The following CCDC102B variants were observed in gnomAD, a reference collection of about 807,000 sequenced individuals.
CCDC102B encodes the protein coiled-coil domain-containing protein 102B.
Under a neutral mutation model 57.4 loss-of-function variants are expected in CCDC102B, and 75 were observed. The ratio of observed to expected loss-of-function variants is 1.31; its 90% confidence interval spans 1.08 to 1.58. The LOEUF (loss-of-function observed/expected upper bound fraction) is 1.58. Among genes scored for constraint, CCDC102B ranks in the 40% most tolerant of loss-of-function variants. The probability of loss-of-function intolerance (pLI) is 0.00; values close to 1 mark genes in which losing one functional copy is unlikely to be tolerated. For synonymous variants in CCDC102B, 206 were observed against 201.9 expected, an observed-to-expected ratio of 1.02 and a Z score of -0.17; for missense variants, 636 against 582.6, an observed-to-expected ratio of 1.09 and a Z score of -0.94.
chr18:69,026,767 C>A (rs972753565), intron 7 of CCDC102B, among the ~76,000 whole-genome samples: 4 of 152,168 alleles, frequency 2.6e-5, no homozygotes, highest in Non-Finnish European at 5.9e-5. Flanking sequence ...ACTTTTTATG[C>A]TGGGTATTCA....
intron 6 of CCDC102B, among the ~76,000 whole-genome samples, chr18:69,009,685 C>T (rs1165291530): frequency 1.3e-5 from 2 of 151,700 alleles, no homozygotes; most frequent in African/African-American, 2.4e-5. Context: ...ATCATGAATT[C>T]ATCATTAGTA....
chr18:68,773,066 A>G (rs1401405036), intron 2 of CCDC102B, among the ~76,000 whole-genome samples: 1 of 152,080 alleles, frequency 6.6e-6, no homozygotes, highest in Non-Finnish European at 1.5e-5. Context: ...AAGTTAAGAA[A>G]GGATTCAATC....
chr18:69,016,085 G>C (rs964678938), intron 7 of CCDC102B, among the ~76,000 whole-genome samples: 12 of 147,308 alleles, frequency 8.1e-5, no homozygotes, highest in Non-Finnish European at 1.6e-4. Flanking sequence ...GGATGGTCTC[G>C]ATCTCCTGAC....
intron 7 of CCDC102B, among the ~76,000 whole-genome samples, chr18:69,045,036 T>C (rs1057023271): frequency 1.3e-5 from 2 of 152,064 alleles, no homozygotes; most frequent in African/African-American, 4.8e-5. Flanking sequence ...GCTCCTGTGA[T>C]CTCTTTCTCT....
intron 6 of CCDC102B, among the ~76,000 whole-genome samples, chr18:68,953,506 G>C (rs1186707718): frequency 6.6e-6 from 1 of 151,194 alleles, no homozygotes; most frequent in Admixed American, 6.6e-5. Flanking sequence ...TTCCAGAAAT[G>C]TCTGTTCAAG....
At chr18:68,852,002 A>C (rs904301068) in intron 4 of CCDC102B, among the ~76,000 whole-genome samples, 2 of 152,146 alleles carry the variant, frequency 1.3e-5, no homozygotes, top group Non-Finnish European at 2.9e-5. Context: ...CAATTAAGAC[A>C]ATTCCTTAAA....
chr18:68,829,769 G>A (rs2037067468), intron 1 of CCDC102B, among the ~76,000 whole-genome samples: 1 of 151,980 alleles, frequency 6.6e-6, no homozygotes, highest in Non-Finnish European at 1.5e-5. Flanking sequence ...AAACGGTTTA[G>A]GAATTTTGCT....
intron 6 of CCDC102B, among the ~76,000 whole-genome samples, chr18:68,956,397 T>A (rs1373046314): frequency 1.1e-4 from 9 of 78,702 alleles, no homozygotes; most frequent in Non-Finnish European, 2.1e-4. Flanking sequence ...AATATATATA[T>A]AAATATATTT....
At chr18:68,843,014 C>G (rs891385654) in intron 3 of CCDC102B, among the ~76,000 whole-genome samples, 6 of 152,064 alleles carry the variant, frequency 3.9e-5, no homozygotes, top group African/African-American at 1.2e-4. Context: ...AAGCCTTGTT[C>G]TATAATTCTC....
intron 2 of CCDC102B, among the ~76,000 whole-genome samples, chr18:68,731,064 C>G (rs511288): frequency 0.95 from 144,602 of 152,210 alleles, 68,914 homozygotes; most frequent in Middle Eastern, 0.99. Context: ...TTGGCTCGCT[C>G]CAACTTCTGC....
chr18:68,900,394 T>G (rs576876833), intron 6 of CCDC102B: 1 of 152,186 alleles, frequency 6.6e-6, no homozygotes, highest in Non-Finnish European at 1.5e-5. Flanking sequence ...ATCATTAGAA[T>G]GTACATTTCC....
chr18:69,058,072 A>G (rs1237583160), downstream of CCDC102B, among the ~76,000 whole-genome samples: 1 of 151,772 alleles, frequency 6.6e-6, no homozygotes, highest in Non-Finnish European at 1.5e-5. Flanking sequence ...TTTAGTTCCC[A>G]CTCATAAGTG....
At chr18:69,011,278 C>A in intron 7 of CCDC102B, 174 bp downstream of exon 7, 1 of 646,622 alleles carries the variant, frequency 1.5e-6, no homozygotes, top group African/African-American at 1.8e-5. Context: ...AGACAATGTG[C>A]ACATGTTTGT....
At chr18:68,813,873 A>G (rs1376615817) in intron 1 of CCDC102B, among the ~76,000 whole-genome samples, 1 of 151,728 alleles carries the variant, frequency 6.6e-6, no homozygotes, top group African/African-American at 2.4e-5. Context: ...ACGATGTGAT[A>G]GTATTTGGAC....
chr18:68,765,309 G>A (rs866968395), intron 2 of CCDC102B, among the ~76,000 whole-genome samples: 45 of 62,684 alleles, frequency 7.2e-4, no homozygotes, highest in African/African-American at 1.5e-3. Context: ...AGGAAGGAAG[G>A]AAGGAAGGAA....
At chr18:68,959,159 A>G (rs532370715) in intron 6 of CCDC102B, among the ~76,000 whole-genome samples, 1 of 152,198 alleles carries the variant, frequency 6.6e-6, no homozygotes, top group South Asian at 2.1e-4. Context: ...CTTTCCCTGT[A>G]TTCAAAGGGA....
chr18:68,855,159 T>C (rs1361432803), intron 4 of CCDC102B, among the ~76,000 whole-genome samples: 1 of 152,156 alleles, frequency 6.6e-6, no homozygotes, highest in African/African-American at 2.4e-5. Context: ...GCATCACATG[T>C]TCAAGCCCCA....
At chr18:68,734,682 G>C (rs1488755976) in intron 2 of CCDC102B, 1 of 151,840 alleles carries the variant, frequency 6.6e-6, no homozygotes, top group Admixed American at 6.6e-5. Context: ...TTTTTCTCAG[G>C]CTAGAAATAC....
At chr18:68,821,541 CAG>C (rs1229038837) in intron 1 of CCDC102B, among the ~76,000 whole-genome samples, 1 of 150,610 alleles carries the variant, frequency 6.6e-6, no homozygotes, top group Non-Finnish European at 1.5e-5. Flanking sequence ...ATGAAAAATA[CAG>C]AGTTTTGTCC....
Sources: allele counts gnomAD v4.1 joint callset (sites outside exome capture counted in the v4.1 genomes callset), GRCh38; gene constraint gnomAD v4.1.1; transcripts MANE v1.5; gene names NCBI Gene and HGNC (gene_info 2026-07-23, HGNC 2026-07-21).